The following ATP8A2 variants were observed in gnomAD, a reference collection of about 807,000 sequenced individuals.
ATP8A2 encodes phospholipid-transporting ATPase IB.
ATP8A2 carries 100 observed loss-of-function variants against 165.6 expected under a neutral mutation model. That is an observed-to-expected ratio of 0.60 (90% CI 0.51 to 0.71). The LOEUF (loss-of-function observed/expected upper bound fraction) is 0.71. Ranked by LOEUF, ATP8A2 falls within the 30% of genes least tolerant of loss-of-function variation. ATP8A2 has a pLI of 0.00. For missense variants in ATP8A2, 1,227 were observed against 1,479.5 expected (o/e 0.83, Z 2.80); for synonymous variants, 543 against 548.8 (o/e 0.99, Z 0.15).
Position 25,372,057 on chromosome 13 carries a change from G to C in ATP8A2, c.-156G>C, listed in dbSNP as rs1033318666. ...GCTGCGGCACGGACGGCGCAGCCTC[G>C]GGCGCGGCCCGGCACAGGCGCCGGC... On this transcript the variant is annotated 5_prime_UTR_variant, in exon 1 of 37. Coordinates refer to ENST00000381655, the MANE Select transcript of ATP8A2 (RefSeq NM_016529.6). This position sits in a 1 kb window ranked among gnomAD's most constrained non-coding sequence, Gnocchi z 4.8. 10 of 347,404 alleles carry C rather than the reference G, an allele frequency of 2.9e-5. No individual in the cohort carries two copies. Among genetic ancestry groups the C allele is most frequent in the African/African-American group, 2.0e-4 (9 of 45,692 alleles). 21.5% of individuals were successfully genotyped at this position (347,404 alleles called of 1,614,324 possible).
chr13:25,524,931 CTTCCTTCT>C (rs1364498354), intron 2 of ATP8A2, among the ~76,000 whole-genome samples: 2 of 138,232 alleles, frequency 1.4e-5, no homozygotes, highest in African/African-American at 5.5e-5. Context: ...TCCTTCCTTC[CTTCCTTCT>C]TTCCTTCCGT....
chr13:25,949,454 G>A (rs1278010334), intron 33 of ATP8A2, among the ~76,000 whole-genome samples: 1 of 152,204 alleles, frequency 6.6e-6, no homozygotes, highest in African/African-American at 2.4e-5. Flanking sequence ...TCTCCTGGAC[G>A]GGCATACCTT....
chr13:25,862,622 A>T lies in ATP8A2; in HGVS notation c.3183+214A>T, dbSNP rs78777339. On this transcript the variant is annotated intron_variant, in intron 33 of 36. Coordinates refer to ENST00000381655, the MANE Select transcript of ATP8A2 (RefSeq NM_016529.6). Reference sequence around the variant, plus strand: ...CACAGAAAAGGCATTTGAAGTTTCAAGTATTATGAAAACTGTCAACTTAAA... The same window carrying T: ...CACAGAAAAGGCATTTGAAGTTTCATGTATTATGAAAACTGTCAACTTAAA... 4.9e-3 allele frequency among the ~76,000 whole-genome samples: 745 copies of T among 152,334 alleles called. 11 individuals carry two copies. The highest frequency in any genetic ancestry group is 0.017 in the African/African-American group (719 of 41,576).
At chr13:25,888,558 A>G (rs752184473) in intron 33 of ATP8A2, among the ~76,000 whole-genome samples, 2 of 152,216 alleles carry the variant, frequency 1.3e-5, no homozygotes, top group Admixed American at 6.5e-5. Flanking sequence ...CCCAGTTAGT[A>G]TATAGAAGTT....
intron 33 of ATP8A2, among the ~76,000 whole-genome samples, chr13:25,904,105 G>T (rs189399729): frequency 1.1e-3 from 161 of 152,228 alleles, no homozygotes; most frequent in South Asian, 2.9e-3. Context: ...GATCATCCCT[G>T]GTCTGAAAAC....
intron 24 of ATP8A2, among the ~76,000 whole-genome samples, chr13:25,643,071 G>C (rs907963855): frequency 3.3e-5 from 5 of 152,146 alleles, no homozygotes; most frequent in Non-Finnish European, 7.4e-5. Flanking sequence ...TGTGGGATGG[G>C]GGGAGGGGAG....
intron 33 of ATP8A2, among the ~76,000 whole-genome samples, chr13:25,869,091 A>C (rs1300487679): frequency 3.5e-5 from 5 of 143,200 alleles, no homozygotes; most frequent in Non-Finnish European, 6.1e-5. Flanking sequence ...AAAAAAAAAA[A>C]AACCTTTTAA....
chr13:25,999,599 TC>T (rs1956595253), intron 35 of ATP8A2, among the ~76,000 whole-genome samples: 1 of 152,166 alleles, frequency 6.6e-6, no homozygotes, highest in South Asian at 2.1e-4. Flanking sequence ...TGTAAGGGCA[TC>T]ATCACCTTAT....
intron 11 of ATP8A2, among the ~76,000 whole-genome samples, chr13:25,552,147 T>C (rs1334897162): frequency 2.0e-5 from 3 of 151,956 alleles, no homozygotes; most frequent in African/African-American, 7.3e-5. Flanking sequence ...CTAACATGCC[T>C]GGCTAATTTT....
rs1316533700 is a variant in ATP8A2, at chr13:25,953,608, T to G, written c.3184-7967T>G. On this transcript the variant is annotated intron_variant, in intron 33 of 36. Coordinates refer to ENST00000381655, the MANE Select transcript of ATP8A2 (RefSeq NM_016529.6). This position sits in a 1 kb window ranked among gnomAD's most constrained non-coding sequence, Gnocchi z 6.7. ...CTCCAGTCTGTAGCTCCCAGGGAGATCAAGGCAGACAGCGAGTGATTTCTG... is the reference window on the plus strand; with the variant it reads ...CTCCAGTCTGTAGCTCCCAGGGAGAGCAAGGCAGACAGCGAGTGATTTCTG... Among the ~76,000 whole-genome samples, 1 of 145,600 alleles carries G rather than the reference T, an allele frequency of 6.9e-6. No homozygotes were observed. The highest frequency in any genetic ancestry group is 2.6e-5 in the African/African-American group (1 of 38,920).
At chr13:25,895,301 T>C (rs1953501345) in intron 33 of ATP8A2, among the ~76,000 whole-genome samples, 1 of 152,222 alleles carries the variant, frequency 6.6e-6, no homozygotes, top group South Asian at 2.1e-4. Context: ...TCATGTGGTT[T>C]TTGTCTTTGG....
rs1424374009 is a variant in ATP8A2, at chr13:25,801,496, G to T, written c.2679+26537G>T. Among the ~76,000 whole-genome samples, 4 of 152,100 alleles carry T rather than the reference G, an allele frequency of 2.6e-5. No homozygotes were observed. In the East Asian group the frequency reaches 7.7e-4, roughly 29 times the overall value. On this transcript the variant is annotated intron_variant, in intron 27 of 36. Coordinates refer to ENST00000381655, the MANE Select transcript of ATP8A2 (RefSeq NM_016529.6). ...CCTGCCTCCCACATCCCTGTCTGTG[G>T]GTGGCTCTCTCCTGAAGATGGTACT...
At position 25,372,337 on chromosome 13, in the gene ATP8A2, G is replaced by A. The variant is rs772201269; in HGVS notation, c.76+49G>A. On this transcript the variant is annotated intron_variant, in intron 1 of 36. Transcript: ENST00000381655. The surrounding 1 kb of genome is among the most constrained non-coding windows in gnomAD (Gnocchi z 4.8). ...GGGAGGGTGGGCCCGGGGCGGGGGC[G>A]GCGCGGGGCGCGCCTGCGGTTATGC... 2.3e-6 allele frequency: 3 copies of A among 1,331,434 alleles called. No homozygotes were observed. Among genetic ancestry groups the A allele is most frequent in the East Asian group, 3.2e-5 (1 of 31,068 alleles). The allele number at this position is 1,331,434 out of a possible 1,614,324, so 82.5% of individuals were successfully genotyped here. A position where few individuals can be genotyped will look rare whatever the true frequency, so the allele number is the denominator to read the frequency against.
intron 24 of ATP8A2, among the ~76,000 whole-genome samples, chr13:25,687,528 G>A (rs1297098255): frequency 1.3e-5 from 2 of 152,080 alleles, no homozygotes; most frequent in East Asian, 1.9e-4. Context: ...CACTGCCATC[G>A]AGGGGAGCAG....
At chr13:25,899,052 G>A (rs11842881) in intron 33 of ATP8A2, among the ~76,000 whole-genome samples, 8,319 of 152,208 alleles carry the variant, frequency 0.055, 574 homozygotes, top group African/African-American at 0.14. Context: ...CCCACTGTCC[G>A]GCACTCCCCT....
At chr13:25,950,449 T>C (rs1414317520) in intron 33 of ATP8A2, among the ~76,000 whole-genome samples, 1 of 152,206 alleles carries the variant, frequency 6.6e-6, no homozygotes, top group Non-Finnish European at 1.5e-5. Flanking sequence ...GTCAAGGGCC[T>C]CACCTTTCTC....
chr13:25,929,975 C>T (rs1028486875), intron 33 of ATP8A2, among the ~76,000 whole-genome samples: 14 of 152,306 alleles, frequency 9.2e-5, no homozygotes, highest in African/African-American at 2.9e-4. Context: ...TGTTGCTCCA[C>T]GGTTCTCTCC....
chr13:25,601,832 C>G (rs1593624269), intron 24 of ATP8A2, among the ~76,000 whole-genome samples: 1 of 152,170 alleles, frequency 6.6e-6, no homozygotes, highest in African/African-American at 2.4e-5. Context: ...ATATTTTAAA[C>G]AGAATACTAA....
intron 24 of ATP8A2, among the ~76,000 whole-genome samples, chr13:25,636,030 G>A (rs184389422): frequency 6.6e-6 from 1 of 152,258 alleles, no homozygotes; most frequent in African/African-American, 2.4e-5. Flanking sequence ...ATGAGTATGG[G>A]GGGAAGAGGT....
Sources: gnomAD v4.1 joint callset for allele counts (sites outside exome capture counted in the v4.1 genomes callset) on GRCh38, gnomAD v4.1.1 for gene constraint, Gnocchi (gnomAD v3.1) non-coding constraint, MANE v1.5 for transcripts, NCBI Gene and HGNC (gene_info 2026-07-23, HGNC 2026-07-21) for gene names.